The following CHRNB1 variants were observed in gnomAD, a reference collection of about 807,000 sequenced individuals.
CHRNB1 encodes acetylcholine receptor subunit beta.
In CHRNB1, 47 loss-of-function variants were observed where a neutral mutation model predicts 53.8. The observed-to-expected ratio is 0.87, with a 90% CI of 0.69 to 1.11. The LOEUF is 1.11. Among genes scored for constraint, CHRNB1 ranks in the 50% most tolerant of loss-of-function variants. The pLI is 0.00. For synonymous variants in CHRNB1, 259 were observed against 263.5 expected (o/e 0.98, Z 0.16); for missense variants, 605 against 654.9 (o/e 0.92, Z 0.83).
chr17:7,450,566 G>A (rs890264457), intron 7 of CHRNB1, among the ~76,000 whole-genome samples: 3 of 152,184 alleles, frequency 2.0e-5, no homozygotes, highest in East Asian at 1.9e-4. Flanking sequence ...CACCCAGTAA[G>A]TTCTATGTAA....
chr17:7,447,454 A>G (rs1349167591), intron 5 of CHRNB1, 49 bp from the exon 6 acceptor site: 5 of 1,612,026 alleles, frequency 3.1e-6, no homozygotes, highest in Non-Finnish European at 4.2e-6. Flanking sequence ...AAACTCCACC[A>G]GCGCTGACTG....
intron 6 of CHRNB1, among the ~76,000 whole-genome samples, chr17:7,447,889 C>T (rs1597749981): frequency 6.6e-6 from 1 of 152,034 alleles, no homozygotes; most frequent in Non-Finnish European, 1.5e-5. Flanking sequence ...ACCAGCCTAA[C>T]GTGGTGAAAC....
rs1193567526 is a variant in CHRNB1 at position 7,455,429 on chromosome 17, G to C, written c.1190G>C (p.Ser397Thr). The C allele has an allele frequency of 1.2e-6, 2 of 1,614,170 alleles. No homozygotes were observed. The highest frequency in any genetic ancestry group is 2.2e-5 in the South Asian group (2 of 91,090). ...GAATATTTCATCCGGAAGCCGCCAA[G>C]TGATTTTCTCTTCCCCAAACCCAAT... ...TDEYFIRKPP[S>T]DFLFPKPNRF... Residue 397 changes from serine to threonine, a missense_variant, in exon 9 of 11, where the codon AGT becomes ACT. Ser to Thr is a moderately conservative substitution (Grantham distance 58). Coordinates refer to ENST00000306071, the MANE Select transcript of CHRNB1 (RefSeq NM_000747.3).
At chr17:7,447,738 T>C (rs1908701905) in intron 6 of CHRNB1, 88 bp downstream of exon 6, 5 of 1,514,458 alleles carry the variant, frequency 3.3e-6, no homozygotes, top group Middle Eastern at 3.4e-4. Flanking sequence ...ATGCCCAATA[T>C]AGCCCTGTGG....
Position 7,446,327 on chromosome 17 carries a change from CTGTGTGTG to C in CHRNB1, c.243+253_243+260del, listed in dbSNP as rs58239884. ...TTTGTGTGTGTGTGTGTGTGTGTGTCTGTGTGTGTGTGTGTGTGTGTGTGTGTGTGTGT... is the reference window on the plus strand; with the variant it reads ...TTTGTGTGTGTGTGTGTGTGTGTGTCTGTGTGTGTGTGTGTGTGTGTGTGT... On this transcript the variant is annotated intron_variant, in intron 3 of 10. Coordinates refer to ENST00000306071, the MANE Select transcript of CHRNB1 (RefSeq NM_000747.3). The C allele has an allele frequency of 6.8e-3, 1,596 of 234,998 alleles. 23 individuals are homozygous for C. Among genetic ancestry groups the C allele is most frequent in the African/African-American group, 0.04 (1,421 of 35,528 alleles). The allele number at this position is 234,998 out of a possible 1,614,324, so 14.6% of individuals were successfully genotyped here. A position where few individuals can be genotyped will look rare whatever the true frequency, so the allele number is the denominator to read the frequency against.
At position 7,455,318 on chromosome 17, in the gene CHRNB1, TA is replaced by T. The variant is rs1297198051; in HGVS notation, c.1084del (p.Arg362GlyfsTer8). 1.2e-6 allele frequency: 2 copies of T among 1,614,002 alleles called. No homozygotes were observed. The highest frequency in any genetic ancestry group is 1.7e-6 in the Non-Finnish European group (2 of 1,180,016). Reference protein sequence around the residue: ...FIHKLPLYLRLKRPKPERDLM... With the variant: ...FIHKLPLYLRXKRPKPERDLM... ...CACAAACTTCCGCTGTACCTGCGTC[TA>T]AAAAGGCCCAAACCCGAGAGAGACC... On this transcript the variant is annotated frameshift_variant, in exon 9 of 11. Transcript: ENST00000306071. LOFTEE classifies it high-confidence loss of function.
intron 8 of CHRNB1, among the ~76,000 whole-genome samples, 162 bp downstream of exon 8, chr17:7,454,682 T>C (rs1484115288): frequency 6.6e-6 from 1 of 151,918 alleles, no homozygotes; most frequent in Non-Finnish European, 1.5e-5. Context: ...TCCCATACTC[T>C]CTTCATCAAT....
At chr17:7,449,004 G>A (rs1007707429) in intron 7 of CHRNB1, among the ~76,000 whole-genome samples, 6 of 151,740 alleles carry the variant, frequency 4.0e-5, no homozygotes, top group Non-Finnish European at 8.8e-5. Context: ...AATCCATAAA[G>A]CCTTTACTCC....
chr17:7,456,538 G>A (rs2069953504), intron 10 of CHRNB1, 45 bp from the exon 11 acceptor site: 2 of 1,613,236 alleles, frequency 1.2e-6, no homozygotes, highest in South Asian at 1.1e-5. Flanking sequence ...GTTTCCCTGG[G>A]GGTCTGGGCC....
Position 7,454,533 on chromosome 17 carries a change from T to C in CHRNB1, c.1044+13T>C. 1 of 1,607,842 alleles carries C rather than the reference T, an allele frequency of 6.2e-7. No individual in the cohort carries two copies. The highest frequency in any genetic ancestry group is 1.1e-5 in the South Asian group (1 of 90,976). On this transcript the variant is annotated intron_variant, in intron 8 of 10. Coordinates refer to ENST00000306071, the MANE Select transcript of CHRNB1 (RefSeq NM_000747.3). The stretch of plus-strand genomic sequence containing the variant: ...TTGGGTCCGTCAGGTAAGAAAGATC[T>C]CCTCCTCCAACCCCAATTTTCCTTT...
chr17:7,455,588 C>G (rs142367311), intron 9 of CHRNB1, 132 bp downstream of exon 9: 4 of 1,279,672 alleles, frequency 3.1e-6, no homozygotes, highest in East Asian at 2.3e-5. Context: ...AGTACTCCTG[C>G]TGCTCACTTT....
intron 2 of CHRNB1, 39 bp from the exon 3 acceptor site, chr17:7,446,030 C>A: frequency 6.2e-7 from 1 of 1,601,336 alleles, no homozygotes. Context: ...TTTCTCTCCA[C>A]CCTACTTCAC....
rs1908585546 is a variant in CHRNB1 at position 7,445,849 on chromosome 17, C to G, written c.199-220C>G. 1 of 629,668 alleles carries G rather than the reference C, an allele frequency of 1.6e-6. No individual in the cohort carries two copies. Among genetic ancestry groups the G allele is most frequent in the Admixed American group, 2.6e-5 (1 of 37,972 alleles). 39.0% of individuals were successfully genotyped at this position (629,668 alleles called of 1,614,324 possible). On this transcript the variant is annotated intron_variant, in intron 2 of 10. Coordinates refer to ENST00000306071, the MANE Select transcript of CHRNB1 (RefSeq NM_000747.3). The surrounding 1 kb of genome is among the most constrained non-coding windows in gnomAD (Gnocchi z 5.7). ...GGCGGAGGGCTAGGCAGGGGCGGGT[C>G]TGGTAGGTTGATAGGCTGGGAGTGT...
chr17:7,452,312 C>T (rs1908922948), intron 7 of CHRNB1, among the ~76,000 whole-genome samples: 1 of 152,100 alleles, frequency 6.6e-6, no homozygotes, highest in African/African-American at 2.4e-5. Flanking sequence ...ACCGCCTCAG[C>T]CTCCCAAAAT....
At position 7,446,918 on chromosome 17, in the gene CHRNB1, T is replaced by C; in HGVS notation, c.329T>C (p.Leu110Pro). 1 of 1,608,062 alleles carries C rather than the reference T, an allele frequency of 6.2e-7. No individual in the cohort carries two copies. Among genetic ancestry groups the C allele is most frequent in the South Asian group, 1.1e-5 (1 of 90,772 alleles). The change falls in exon 4 of 11, where the codon CTC (leucine) becomes CCC (proline). Residue 110 changes from leucine (L) to proline (P), a missense_variant. By Grantham distance (98) the Leu-to-Pro change is moderately conservative. Transcript: ENST00000306071. Reference sequence around the variant, plus strand: ...CGCATCACGGCGGAATCCGTGTGGCTCCCTGACGTGGTGCTACTGAACAAG... The same window carrying C: ...CGCATCACGGCGGAATCCGTGTGGCCCCCTGACGTGGTGCTACTGAACAAG... ...SLRITAESVW[L>P]PDVVLLNNND...
chr17:7,451,345 C>T (rs1192929895), intron 7 of CHRNB1, among the ~76,000 whole-genome samples: 11 of 139,604 alleles, frequency 7.9e-5, no homozygotes, highest in East Asian at 4.1e-4. Flanking sequence ...GGCGCGATCT[C>T]GGCTCACTGC....
At position 7,451,284 on chromosome 17, in the gene CHRNB1, T is replaced by C. The variant is rs868185421; in HGVS notation, c.820+2496T>C. Among the ~76,000 whole-genome samples, 14 of 136,186 alleles carry C rather than the reference T, an allele frequency of 1.0e-4. 1 individual carries two copies. The East Asian group carries it at 2.2e-3, about 21-fold the overall frequency. 89.3% of individuals were successfully genotyped at this position (136,186 alleles called of 152,430 possible). ...CTTTTCTTTTCTTTTCTTTTTTTTTTTTTTTTTTTTGAGACAGAGTCTTGC... is the reference window on the plus strand; with the variant it reads ...CTTTTCTTTTCTTTTCTTTTTTTTTCTTTTTTTTTTGAGACAGAGTCTTGC... On this transcript the variant is annotated intron_variant, in intron 7 of 10. Transcript: ENST00000306071.
rs75019736 is a variant in CHRNB1, at chr17:7,446,931, G to A, written c.342G>A (p.Val114=). 4.0e-3 allele frequency: 6,390 copies of A among 1,613,548 alleles called. 26 individuals carry two copies. Among genetic ancestry groups the A allele is most frequent in the Admixed American group, 6.4e-3 (385 of 60,012 alleles). The change falls in exon 4 of 11, where the codon GTG becomes GTA. Residue 114 remains valine (V), a synonymous_variant. Coordinates refer to ENST00000306071, the MANE Select transcript of CHRNB1 (RefSeq NM_000747.3). The stretch of plus-strand genomic sequence containing the variant: ...AATCCGTGTGGCTCCCTGACGTGGT[G>A]CTACTGAACAAGTAGGAGAACTTCC... The part of the protein sequence containing the change: ...TAESVWLPDV[V]LLNNNDGNFD...
In CHRNB1 at chr17:7,445,080, C is replaced by A; in HGVS notation, c.-48C>A. ...CTCCTCGTCACTTCCCCTGTGCTGG[C>A]GGTCCCAGCGGCTCTCTGAGCGAAG... is the stretch of plus-strand genomic sequence containing the variant. On this transcript the variant is annotated 5_prime_UTR_variant, in exon 1 of 11. Coordinates refer to ENST00000306071, the MANE Select transcript of CHRNB1 (RefSeq NM_000747.3). This position sits in a 1 kb window ranked among gnomAD's most constrained non-coding sequence, Gnocchi z 5.7. 1 of 1,583,888 alleles carries A rather than the reference C, an allele frequency of 6.3e-7. No individual in the cohort carries two copies. The highest frequency in any genetic ancestry group is 1.3e-5 in the African/African-American group (1 of 74,682).
Sources: gnomAD v4.1 joint callset for allele counts (sites outside exome capture counted in the v4.1 genomes callset) on GRCh38, gnomAD v4.1.1 for gene constraint, Gnocchi (gnomAD v3.1) non-coding constraint, MANE v1.5 for transcripts, NCBI Gene and HGNC (gene_info 2026-07-23, HGNC 2026-07-21) for gene names.